The following PLCB1 variants were observed in gnomAD, a reference collection of about 807,000 sequenced individuals.
The protein encoded by PLCB1 is 1-phosphatidylinositol 4,5-bisphosphate phosphodiesterase beta-1.
In PLCB1, 46 loss-of-function variants were observed where a neutral mutation model predicts 161.8. The ratio of observed to expected loss-of-function variants is 0.28; its 90% CI spans 0.22 to 0.36. The LOEUF (loss-of-function observed/expected upper bound fraction) is 0.36, where lower values mean the gene tolerates loss of function less well. Ranked by LOEUF, PLCB1 falls within the 10% of genes least tolerant of loss-of-function variation. The pLI is 1.00. For missense variants in PLCB1, 1,016 were observed against 1,472.5 expected (o/e 0.69, Z 5.07); for synonymous variants, 517 against 503.7 (o/e 1.03, Z -0.35).
Position 8,132,425 on chromosome 20 carries a change from C to T in PLCB1, c.-227C>T, listed in dbSNP as rs1379579795. 1 of 302,268 alleles carries T rather than the reference C, an allele frequency of 3.3e-6. No homozygotes were observed. Among genetic ancestry groups the T allele is most frequent in the Non-Finnish European group, 6.1e-6 (1 of 165,058 alleles). The allele number at this position is 302,268 out of a possible 1,614,324, so 18.7% of individuals were successfully genotyped here. A position where few individuals can be genotyped will look rare whatever the true frequency, so the allele number is the denominator to read the frequency against. On this transcript the variant is annotated 5_prime_UTR_variant, in exon 1 of 32. Coordinates refer to ENST00000338037, the MANE Select transcript of PLCB1 (RefSeq NM_015192.4). This position sits in a 1 kb window ranked among gnomAD's most constrained non-coding sequence, Gnocchi z 5.2. ...CTCATCCACCGCGGGCTCCAGACCT[C>T]GCGTCCCGCCCGGGGCATGGCCGGG... is the stretch of plus-strand genomic sequence containing the variant.
chr20:8,449,179 T>C (rs1568681083), intron 3 of PLCB1, among the ~76,000 whole-genome samples: 1 of 152,220 alleles, frequency 6.6e-6, no homozygotes, highest in East Asian at 1.9e-4. Context: ...GCTTATGACA[T>C]ACCAGGTCCT....
chr20:8,523,335 A>G (rs529034214), intron 3 of PLCB1, among the ~76,000 whole-genome samples: 1 of 150,842 alleles, frequency 6.6e-6, no homozygotes, highest in East Asian at 1.9e-4. Context: ...AAGATTAGCA[A>G]GTCTTTGGAG....
At chr20:8,658,510 T>G (rs760457525) in intron 8 of PLCB1, 28 bp from the exon 9 acceptor site, 3 of 1,540,392 alleles carry the variant, frequency 1.9e-6, no homozygotes, top group Non-Finnish European at 2.6e-6. Flanking sequence ...TAAAAAATTC[T>G]TATTGCTTGG....
chr20:8,800,583 T>C (rs952097312), intron 31 of PLCB1, among the ~76,000 whole-genome samples: 3 of 152,126 alleles, frequency 2.0e-5, no homozygotes, highest in African/African-American at 7.2e-5. Context: ...ATATAAAAAT[T>C]TGTGTCAAAG....
At chr20:8,816,083 G>T (rs6056148) in intron 31 of PLCB1, among the ~76,000 whole-genome samples, 4,022 of 152,146 alleles carry the variant, frequency 0.026, 166 homozygotes, top group African/African-American at 0.092. Context: ...GTATAAGAGA[G>T]CAATAAATAA....
intron 11 of PLCB1, among the ~76,000 whole-genome samples, chr20:8,705,218 A>G (rs1001233850): frequency 1.1e-4 from 16 of 152,196 alleles, no homozygotes; most frequent in African/African-American, 3.9e-4. Context: ...AACAGTTGCC[A>G]TAGAAATAGA....
At position 8,226,065 on chromosome 20, in the gene PLCB1, C is replaced by CACTG. The variant is rs1321135340; in HGVS notation, c.177+75695_177+75698dup. Among the ~76,000 whole-genome samples, 4 of 152,180 alleles carry CACTG rather than the reference C, an allele frequency of 2.6e-5. No homozygotes were observed. The East Asian group carries it at 7.7e-4, about 29-fold the overall frequency. On this transcript the variant is annotated intron_variant, in intron 2 of 31. Transcript: ENST00000338037. ...AGGGCCATCTTGTTCTTGCAGTTGT[C>CACTG]ACTGGTTGGTTGAGGGCTCTTATAT...
chr20:8,747,903 G>A (rs62197002), intron 23 of PLCB1, among the ~76,000 whole-genome samples: 36,131 of 152,112 alleles, frequency 0.24, 4,984 homozygotes, highest in Non-Finnish European at 0.32. Flanking sequence ...CCAAGGTAGT[G>A]CTTTTATAAG....
chr20:8,704,754 T>TA (rs1393592636), intron 11 of PLCB1, among the ~76,000 whole-genome samples: 2 of 152,112 alleles, frequency 1.3e-5, no homozygotes, highest in Non-Finnish European at 2.9e-5. Flanking sequence ...ACAGAGTTAT[T>TA]AAAAGGAACT....
intron 3 of PLCB1, among the ~76,000 whole-genome samples, chr20:8,553,504 T>C (rs1442087752): frequency 6.6e-6 from 1 of 152,184 alleles, no homozygotes; most frequent in African/African-American, 2.4e-5. Flanking sequence ...AGATTCTTAT[T>C]ATGTAAGCAT....
chr20:8,728,711 T>G (rs961683021), intron 17 of PLCB1, among the ~76,000 whole-genome samples: 3 of 152,074 alleles, frequency 2.0e-5, no homozygotes, highest in Non-Finnish European at 4.4e-5. Flanking sequence ...GCTCAGCCAC[T>G]TTTTGCTACC....
intron 3 of PLCB1, among the ~76,000 whole-genome samples, chr20:8,595,018 A>AT (rs1987283481): frequency 6.6e-6 from 1 of 152,236 alleles, no homozygotes; most frequent in Non-Finnish European, 1.5e-5. Context: ...AAGTATATAT[A>AT]GACTACATAA....
intron 2 of PLCB1, among the ~76,000 whole-genome samples, chr20:8,351,639 C>T (rs1986181840): frequency 1.3e-5 from 2 of 151,840 alleles, no homozygotes; most frequent in South Asian, 2.1e-4. Flanking sequence ...TAAAACCCGA[C>T]AAGAAGAAAA....
chr20:8,214,054 A>C (rs1401890932), intron 2 of PLCB1, among the ~76,000 whole-genome samples: 1 of 152,170 alleles, frequency 6.6e-6, no homozygotes, highest in African/African-American at 2.4e-5. Flanking sequence ...CTCCTGATTA[A>C]GGTGACTAAA....
intron 5 of PLCB1, 89 bp downstream of exon 5, chr20:8,646,270 T>A: frequency 1.1e-6 from 1 of 871,592 alleles, no homozygotes; most frequent in Non-Finnish European, 1.9e-6. Context: ...TATGCCATAC[T>A]GACTTCTCAC....
At chr20:8,829,471 C>T (rs1396314640) in intron 31 of PLCB1, among the ~76,000 whole-genome samples, 6 of 152,158 alleles carry the variant, frequency 3.9e-5, no homozygotes, top group African/African-American at 1.2e-4. Flanking sequence ...TTTCTGAGCC[C>T]GATCTTTACA....
At chr20:8,593,361 GTGTGTGTGTA>G (rs1050530201) in intron 3 of PLCB1, among the ~76,000 whole-genome samples, 3 of 152,104 alleles carry the variant, frequency 2.0e-5, no homozygotes, top group African/African-American at 7.2e-5. Context: ...GCGTGTGTGT[GTGTGTGTGTA>G]TGTGTGAAGA....
intron 2 of PLCB1, among the ~76,000 whole-genome samples, chr20:8,365,301 A>G (rs1196275315): frequency 6.6e-6 from 1 of 152,186 alleles, no homozygotes; most frequent in Non-Finnish European, 1.5e-5. Flanking sequence ...TGAAATTTGC[A>G]CTATATTAAA....
At chr20:8,262,768 T>G (rs2123245523) in intron 2 of PLCB1, among the ~76,000 whole-genome samples, 1 of 152,336 alleles carries the variant, frequency 6.6e-6, no homozygotes, top group East Asian at 1.9e-4. Flanking sequence ...CCAACAGATT[T>G]GGTTCCTGGT....
Sources: allele counts gnomAD v4.1 joint callset (sites outside exome capture counted in the v4.1 genomes callset), GRCh38; gene constraint gnomAD v4.1.1; non-coding constraint Gnocchi (gnomAD v3.1); transcripts MANE v1.5; gene names NCBI Gene and HGNC (gene_info 2026-07-23, HGNC 2026-07-21).